The following DNAH9 variants were observed in gnomAD, a reference collection of about 807,000 sequenced individuals.
The protein encoded by DNAH9 is dynein axonemal heavy chain 9, also known as DNAH9 variant protein.
DNAH9 carries 345 observed loss-of-function variants against 471.6 expected under a neutral mutation model. That is an observed-to-expected ratio of 0.73 (90% confidence interval 0.67 to 0.80). The LOEUF (loss-of-function observed/expected upper bound fraction) is 0.80, where lower values mean the gene tolerates loss of function less well. DNAH9 is among the 30% of genes least tolerant of loss of function. The pLI is 0.00. For synonymous variants in DNAH9, 2,093 were observed against 2,123.6 expected (o/e 0.99, Z 0.40); for missense variants, 5,407 against 5,609.2 (o/e 0.96, Z 1.15).
intron 22 of DNAH9, among the ~76,000 whole-genome samples, 180 bp downstream of exon 22, chr17:11,694,627 T>TCG (rs1567724493): frequency 1.5e-3 from 6 of 4,022 alleles, no homozygotes; most frequent in African/African-American, 1.8e-3. Context: ...GCTTTCTTGC[T>TCG]TTCTTGCTTT....
At chr17:11,800,202 A>G (rs1200164416) in intron 43 of DNAH9, among the ~76,000 whole-genome samples, 1 of 152,046 alleles carries the variant, frequency 6.6e-6, no homozygotes, top group African/African-American at 2.4e-5. Context: ...CAAATCTAAC[A>G]GCCTATGTGT....
At chr17:11,835,096 G>A (rs541096609) in intron 49 of DNAH9, among the ~76,000 whole-genome samples, 198 bp downstream of exon 49, 5 of 152,286 alleles carry the variant, frequency 3.3e-5, no homozygotes, top group South Asian at 2.1e-4. Context: ...ATGAAATCCC[G>A]GAGATGGGAA....
intron 43 of DNAH9, among the ~76,000 whole-genome samples, chr17:11,806,994 T>G (rs1969711413): frequency 6.6e-6 from 1 of 152,068 alleles, no homozygotes; most frequent in South Asian, 2.1e-4. Context: ...AGTGGTTTCC[T>G]CTGAAGAAGA....
In DNAH9 at chr17:11,617,542, T is replaced by G; in HGVS notation, c.1036T>G (p.Trp346Gly). The G allele has an allele frequency of 6.2e-7, 1 of 1,614,128 alleles. No homozygotes were observed. Among genetic ancestry groups the G allele is most frequent in the Non-Finnish European group, 8.5e-7 (1 of 1,180,016 alleles). Residue 346 changes from tryptophan (W) to glycine (G), a missense_variant, in exon 5 of 69, where the codon TGG becomes GGG. Around this residue, in one of 3 missense-constraint regions of DNAH9, gnomAD observed 767 missense variants for 692.5 expected, o/e 1.11. Transcript: ENST00000262442. ...CCTGCTCCACGTGGTCTGTCTGATT[T>G]GGGCCACATGCAAGTCCTACCGCTC... ...RPLLHVVCLI[W>G]ATCKSYRSPG...
chr17:11,861,726 G>A (rs1971855683), intron 50 of DNAH9, among the ~76,000 whole-genome samples: 2 of 152,170 alleles, frequency 1.3e-5, no homozygotes, highest in African/African-American at 2.4e-5. Flanking sequence ...TCTAACTGGT[G>A]TGAGATGATA....
chr17:11,817,367 A>T (rs1426995955), intron 45 of DNAH9, among the ~76,000 whole-genome samples: 2 of 152,202 alleles, frequency 1.3e-5, no homozygotes, highest in Non-Finnish European at 2.9e-5. Context: ...TACCACCATC[A>T]TTTGAGCACG....
intron 31 of DNAH9, among the ~76,000 whole-genome samples, chr17:11,746,825 A>G (rs966847644): frequency 6.6e-6 from 1 of 152,254 alleles, no homozygotes; most frequent in Non-Finnish European, 1.5e-5. Context: ...ATTATCATCC[A>G]TGATATTCTC....
intron 68 of DNAH9, among the ~76,000 whole-genome samples, chr17:11,963,960 T>C (rs1425845445): frequency 1.3e-5 from 2 of 152,098 alleles, no homozygotes; most frequent in African/African-American, 4.8e-5. Context: ...CATCAGAAGC[T>C]AGGAAAGGTA....
intron 67 of DNAH9, among the ~76,000 whole-genome samples, chr17:11,946,026 T>G (rs1470706990): frequency 6.6e-6 from 1 of 150,652 alleles, no homozygotes; most frequent in East Asian, 2.0e-4. Context: ...TGGTGAAACC[T>G]CATCTCTACT....
Position 11,793,717 on chromosome 17 carries a change from A to G in DNAH9, c.8223+53A>G. ...GTATTTGAAAAAAAAAAAGATAATT[A>G]TACAGATGATCACCCAATGATAAAA... On this transcript the variant is annotated intron_variant, in intron 42 of 68. Transcript: ENST00000262442. 2.9e-5 allele frequency: 39 copies of G among 1,322,210 alleles called. No homozygotes were observed. The South Asian group carries it at 4.4e-4, about 15-fold the overall frequency. 81.9% of individuals were successfully genotyped at this position (1,322,210 alleles called of 1,614,324 possible).
At position 11,917,249 on chromosome 17, in the gene DNAH9, C is replaced by T. The variant is rs137929553; in HGVS notation, c.11750-6565C>T. Among the ~76,000 whole-genome samples the T allele has an allele frequency of 5.1e-3, 780 of 152,232 alleles. 12 individuals carry two copies. The highest frequency in any genetic ancestry group is 0.018 in the African/African-American group (730 of 41,542). ...GCTCACTGCAACAACCTCCACCTCC[C>T]GGGTTCAAGCGATTCTCCTGCCTCA... On this transcript the variant is annotated intron_variant, in intron 61 of 68. Coordinates refer to ENST00000262442, the MANE Select transcript of DNAH9 (RefSeq NM_001372.4).
intron 50 of DNAH9, among the ~76,000 whole-genome samples, chr17:11,857,867 G>GCCTTC (rs1198274829): frequency 6.6e-6 from 1 of 152,100 alleles, no homozygotes; most frequent in Non-Finnish European, 1.5e-5. Flanking sequence ...CATATGATGT[G>GCCTTC]CTCCTGCTTT....
chr17:11,780,291 A>G (rs1000973386), intron 38 of DNAH9, among the ~76,000 whole-genome samples: 3 of 152,224 alleles, frequency 2.0e-5, no homozygotes, highest in African/African-American at 7.2e-5. Flanking sequence ...AGCATCTGGG[A>G]AATTCTCTGA....
At chr17:11,872,503 C>T (rs1972307611) in intron 52 of DNAH9, among the ~76,000 whole-genome samples, 1 of 152,158 alleles carries the variant, frequency 6.6e-6, no homozygotes, top group Non-Finnish European at 1.5e-5. Context: ...TAGCAACCCA[C>T]AAATACTTCC....
chr17:11,643,430 T>C (rs1354519008), intron 10 of DNAH9, among the ~76,000 whole-genome samples: 1 of 152,076 alleles, frequency 6.6e-6, no homozygotes, highest in Non-Finnish European at 1.5e-5. Context: ...AAACATATAT[T>C]TAAATATATA....
rs764734290 is a variant in DNAH9 at position 11,768,600 on chromosome 17, G to A, written c.7318G>A (p.Glu2440Lys). 39 of 1,613,884 alleles carry A rather than the reference G, an allele frequency of 2.4e-5. No individual in the cohort carries two copies. The highest frequency in any genetic ancestry group is 3.2e-5 in the Non-Finnish European group (38 of 1,179,970). ...EPWSKLVPQF[E>K]FDPEMPLQAC... ...TTGGTCCAAGCTCGTCCCCCAGTTC[G>A]AATTTGACCCCGAGATGCCCTTGCA... Residue 2440 changes from glutamate (E) to lysine (K), a missense_variant, in exon 37 of 69, where the codon GAA becomes AAA. Glu to Lys is a moderately conservative substitution (Grantham distance 56, BLOSUM62 1). This residue lies in a region of DNAH9 where 4,636 missense variants were observed against 4,900.3 expected (regional missense o/e 0.95). Coordinates refer to ENST00000262442, the MANE Select transcript of DNAH9 (RefSeq NM_001372.4).
At position 11,669,071 on chromosome 17, in the gene DNAH9, G is replaced by A; in HGVS notation, c.2739G>A (p.Lys913=). 1 of 1,611,192 alleles carries A rather than the reference G, an allele frequency of 6.2e-7. No individual in the cohort carries two copies. Among genetic ancestry groups the A allele is most frequent in the Non-Finnish European group, 8.5e-7 (1 of 1,178,056 alleles). The change falls in exon 16 of 69, where the codon AAG becomes AAA. Residue 913 remains lysine (K), a synonymous_variant. Transcript: ENST00000262442. ...LKYLLENTEC[K]AGLTPIFEAQ... ...GTTTTCTGTGTTTTTCAGAGTGTAA[G>A]GCAGGACTTACCCCAATATTTGAAG...
At chr17:11,645,966 G>A (rs1466403770) in intron 11 of DNAH9, among the ~76,000 whole-genome samples, 12 of 146,170 alleles carry the variant, frequency 8.2e-5, no homozygotes, top group African/African-American at 2.6e-4. Context: ...TGCAAGCTCC[G>A]CCTCCCGGGT....
At chr17:11,780,389 C>T (rs1968623576) in intron 38 of DNAH9, among the ~76,000 whole-genome samples, 1 of 152,196 alleles carries the variant, frequency 6.6e-6, no homozygotes, top group Non-Finnish European at 1.5e-5. Flanking sequence ...TGAGGCCTCT[C>T]TTACAGCCTC....
Sources: allele counts gnomAD v4.1 joint callset (sites outside exome capture counted in the v4.1 genomes callset), GRCh38; gene constraint gnomAD v4.1.1; regional missense constraint gnomAD v4.1.1; transcripts MANE v1.5; gene names NCBI Gene and HGNC (gene_info 2026-07-23, HGNC 2026-07-21).